The following CLIC5 variants were observed in gnomAD, a reference collection of about 807,000 sequenced individuals.
CLIC5 encodes the protein CLIC family member 5.
In CLIC5, 20 loss-of-function variants were observed where a neutral mutation model predicts 24.7. The observed-to-expected ratio is 0.81, with a 90% confidence interval of 0.57 to 1.18. The LOEUF (loss-of-function observed/expected upper bound fraction) is 1.18, where lower values mean the gene tolerates loss of function less well. CLIC5 is among the 50% of genes most tolerant of loss of function. The probability of loss-of-function intolerance (pLI) is 0.00; values close to 1 mark genes in which losing one functional copy is unlikely to be tolerated. For missense variants in CLIC5, 341 were observed against 326.1 expected (o/e 1.05, Z -0.35); for synonymous variants, 159 against 135.6 (o/e 1.17, Z -1.20).
At chr6:45,929,919 T>A (rs558519258) in intron 4 of CLIC5, among the ~76,000 whole-genome samples, 1 of 152,066 alleles carries the variant, frequency 6.6e-6, no homozygotes, top group African/African-American at 2.4e-5. Flanking sequence ...CAAGGCAGAA[T>A]GAGAAGGGGG....
At position 45,981,826 on chromosome 6, in the gene CLIC5, C is replaced by T. The variant is rs572592806; in HGVS notation, c.64-26582G>A. Among the ~76,000 whole-genome samples, 6 of 152,152 alleles carry T rather than the reference C, an allele frequency of 3.9e-5. No individual in the cohort carries two copies. The South Asian group carries it at 1.2e-3, about 32-fold the overall frequency. ...CAGCATGGCCAACATGATGAAACCC[C>T]ATCTCTACAAAAATACAAAAAATTA... On this transcript the variant is annotated intron_variant, in intron 1 of 5. Transcript: ENST00000339561.
At position 45,901,185 on chromosome 6, in the gene CLIC5, T is replaced by C. The variant is rs1231125822; in HGVS notation, c.*1903A>G. On this transcript the variant is annotated 3_prime_UTR_variant, in exon 6 of 6. Transcript: ENST00000339561. Reference sequence around the variant, plus strand: ...GCTTTTCCCTACAGTAAAAAAGGACTCTTTCCTCACCAGTTCTCCTTGTTA... The same window carrying C: ...GCTTTTCCCTACAGTAAAAAAGGACCCTTTCCTCACCAGTTCTCCTTGTTA... The C allele has an allele frequency of 5.9e-5, 9 of 152,246 alleles. No individual in the cohort carries two copies. The East Asian group carries it at 1.5e-3, about 26-fold the overall frequency. The allele number at this position is 152,246 out of a possible 1,614,324, so 9.4% of individuals were successfully genotyped here.
At chr6:46,001,398 T>C (rs986439834) in intron 1 of CLIC5, among the ~76,000 whole-genome samples, 19 of 152,178 alleles carry the variant, frequency 1.2e-4, no homozygotes, top group African/African-American at 4.6e-4. Context: ...CCCCTCATGT[T>C]GCACACTTGA....
chr6:45,992,900 A>ATGG (rs1765993395), intron 1 of CLIC5, among the ~76,000 whole-genome samples: 1 of 152,152 alleles, frequency 6.6e-6, no homozygotes, highest in African/African-American at 2.4e-5. Flanking sequence ...TTGAGAATAC[A>ATGG]TGGTCTATAT....
At chr6:45,946,870 G>A (rs1051638034) in intron 3 of CLIC5, among the ~76,000 whole-genome samples, 2 of 152,236 alleles carry the variant, frequency 1.3e-5, no homozygotes, top group Non-Finnish European at 2.9e-5. Context: ...GGCTTCTGGA[G>A]ATATGCATTT....
At chr6:46,004,852 G>A (rs905166122) in intron 1 of CLIC5, among the ~76,000 whole-genome samples, 4 of 152,160 alleles carry the variant, frequency 2.6e-5, no homozygotes, top group African/African-American at 9.7e-5. Flanking sequence ...TAAAACCTGA[G>A]TCATTTGTGA....
At chr6:45,944,576 T>TAAAAA (rs1764230437) in intron 3 of CLIC5, among the ~76,000 whole-genome samples, 1 of 131,016 alleles carries the variant, frequency 7.6e-6, no homozygotes, top group African/African-American at 3.2e-5. Context: ...AAAAAAAAAT[T>TAAAAA]TTTCAAAAGT....
intron 1 of CLIC5, among the ~76,000 whole-genome samples, chr6:45,973,098 G>C (rs1765256781): frequency 6.6e-6 from 1 of 152,108 alleles, no homozygotes; most frequent in Non-Finnish European, 1.5e-5. Flanking sequence ...TCCATGACTT[G>C]GCTTGTCTGT....
rs193063615 is a variant in CLIC5, at chr6:45,917,231, G to A, written c.407-2822C>T. On this transcript the variant is annotated intron_variant, in intron 4 of 5. Coordinates refer to ENST00000339561, the MANE Select transcript of CLIC5 (RefSeq NM_016929.5). ...GTTTCTGCTTTCTCATCTCAATAAC[G>A]GGACTAAGGATCCTTCACCCTGTTA... Among the ~76,000 whole-genome samples the A allele has an allele frequency of 5.3e-5, 8 of 152,184 alleles. No homozygotes were observed. In the East Asian group the frequency reaches 1.2e-3, roughly 22 times the overall value.
intron 1 of CLIC5, among the ~76,000 whole-genome samples, chr6:46,052,712 C>T (rs140168682): frequency 6.6e-6 from 1 of 152,084 alleles, no homozygotes; most frequent in Non-Finnish European, 1.5e-5. Context: ...ACTCCCACAT[C>T]CCAGCTCTGT....
At chr6:45,974,514 TATATATATAGAGAGAG>T (rs1561976381) in intron 1 of CLIC5, among the ~76,000 whole-genome samples, 5 of 92,626 alleles carry the variant, frequency 5.4e-5, no homozygotes, top group African/African-American at 1.8e-4. Context: ...TATATATATA[TATATATATAGAGAGAG>T]AGAGAGAGAG....
intron 4 of CLIC5, among the ~76,000 whole-genome samples, chr6:45,922,718 C>T (rs1461067421): frequency 6.6e-6 from 1 of 152,066 alleles, no homozygotes. Context: ...AAGATTATCA[C>T]TTAGGTCTTC....
intron 1 of CLIC5, among the ~76,000 whole-genome samples, chr6:46,046,935 C>A (rs898981431): frequency 4.6e-5 from 7 of 152,176 alleles, no homozygotes; most frequent in Admixed American, 4.6e-4. Context: ...AATACTCTGA[C>A]CTAACGCAAG....
At chr6:45,972,822 C>G (rs1372896549) in intron 1 of CLIC5, among the ~76,000 whole-genome samples, 2 of 152,124 alleles carry the variant, frequency 1.3e-5, no homozygotes, top group African/African-American at 4.8e-5. Flanking sequence ...GCCAGCTTTT[C>G]TTTTTCATTT....
intron 1 of CLIC5, among the ~76,000 whole-genome samples, chr6:46,058,197 G>C (rs776786052): frequency 6.6e-6 from 1 of 152,082 alleles, no homozygotes; most frequent in Admixed American, 6.5e-5. Context: ...GCATATAGCA[G>C]ACATGAATTT....
At chr6:46,110,520 T>A in the CLIC5 span, among the ~76,000 whole-genome samples, 36 of 152,200 alleles carry the variant, frequency 2.4e-4, no homozygotes, top group Admixed American at 2.3e-3. Flanking sequence ...TTTTTCCAAG[T>A]TTTTTACTGG....
chr6:45,973,261 G>C (rs1315491643), intron 1 of CLIC5, among the ~76,000 whole-genome samples: 1 of 152,150 alleles, frequency 6.6e-6, no homozygotes, highest in African/African-American at 2.4e-5. Context: ...TGACATGGCT[G>C]GGTTAGTAAA....
chr6:46,032,761 A>AACT (rs1225114361), intron 1 of CLIC5, among the ~76,000 whole-genome samples: 4 of 152,172 alleles, frequency 2.6e-5, no homozygotes, highest in African/African-American at 9.7e-5. Flanking sequence ...AGCCGAGAGG[A>AACT]ACTTAGTGAG....
At chr6:45,977,889 C>G (rs891682524) in intron 1 of CLIC5, among the ~76,000 whole-genome samples, 4 of 152,210 alleles carry the variant, frequency 2.6e-5, no homozygotes, top group African/African-American at 9.7e-5. Context: ...GTGTGGGGTG[C>G]TGTTCTAGGT....
Sources: allele counts gnomAD v4.1 joint callset (sites outside exome capture counted in the v4.1 genomes callset), GRCh38; gene constraint gnomAD v4.1.1; transcripts MANE v1.5; gene names NCBI Gene and HGNC (gene_info 2026-07-23, HGNC 2026-07-21).